SEMA5A: variants seen among roughly 807,000 people sequenced by gnomAD.
SEMA5A encodes semaphorin-5A.
A neutral mutation model predicts 135.5 loss-of-function variants in SEMA5A; 55 were observed. That is an observed-to-expected ratio of 0.41 (90% confidence interval 0.33 to 0.51). The LOEUF (loss-of-function observed/expected upper bound fraction) is 0.51, where lower values mean the gene tolerates loss of function less well. SEMA5A is among the 20% of genes least tolerant of loss of function. The probability of loss-of-function intolerance (pLI) is 0.37; values close to 1 mark genes in which losing one functional copy is unlikely to be tolerated. For missense variants in SEMA5A, 1,290 were observed against 1,419.9 expected (o/e 0.91, Z 1.47); for synonymous variants, 580 against 546.5 (o/e 1.06, Z -0.85).
chr5:9,045,257 T>G (rs1375585724), intron 21 of SEMA5A, among the ~76,000 whole-genome samples: 1 of 152,194 alleles, frequency 6.6e-6, no homozygotes, highest in African/African-American at 2.4e-5. Flanking sequence ...GCAGAAAAGT[T>G]TATTCATGCA....
At chr5:9,052,261 G>A (rs1460313658) in intron 19 of SEMA5A, among the ~76,000 whole-genome samples, 1 of 152,164 alleles carries the variant, frequency 6.6e-6, no homozygotes, top group Admixed American at 6.5e-5. Flanking sequence ...CAGATATCAT[G>A]AGCTTAAAAT....
chr5:9,271,177 C>T (rs954060674), intron 5 of SEMA5A, among the ~76,000 whole-genome samples: 12 of 152,068 alleles, frequency 7.9e-5, no homozygotes, highest in African/African-American at 2.4e-4. Flanking sequence ...GGCACTCCCC[C>T]GTTTACTTGC....
At chr5:9,400,500 C>CTTTTTTTTTTTTT (rs1176889691) in intron 2 of SEMA5A, among the ~76,000 whole-genome samples, 4 of 85,412 alleles carry the variant, frequency 4.7e-5, no homozygotes, top group African/African-American at 1.9e-4. Flanking sequence ...ACACAATGTA[C>CTTTTTTTTTTTTT]ATTTTTTTTT....
chr5:9,396,420 G>A (rs1180579515), intron 2 of SEMA5A, among the ~76,000 whole-genome samples: 1 of 152,036 alleles, frequency 6.6e-6, no homozygotes, highest in East Asian at 1.9e-4. Flanking sequence ...CTGGCATTTG[G>A]AGCCTTGTTT....
At chr5:9,101,767 C>T (rs1739646396) in intron 16 of SEMA5A, among the ~76,000 whole-genome samples, 1 of 151,932 alleles carries the variant, frequency 6.6e-6, no homozygotes, top group Admixed American at 6.6e-5. Flanking sequence ...TGCATTAGTA[C>T]CCTATTCAAT....
chr5:9,265,153 C>A (rs966368638), intron 5 of SEMA5A, among the ~76,000 whole-genome samples: 1 of 152,242 alleles, frequency 6.6e-6, no homozygotes, highest in Non-Finnish European at 1.5e-5. Flanking sequence ...TAGCCCCAAA[C>A]CACCGCGAGA....
chr5:9,360,151 C>T (rs1480248370), intron 3 of SEMA5A, among the ~76,000 whole-genome samples: 8 of 152,178 alleles, frequency 5.3e-5, no homozygotes, highest in Non-Finnish European at 1.0e-4. Context: ...GTATTAACCT[C>T]TGCAGTAGGT....
chr5:9,377,566 A>T (rs1395898368), intron 3 of SEMA5A, among the ~76,000 whole-genome samples: 1 of 152,178 alleles, frequency 6.6e-6, no homozygotes, highest in African/African-American at 2.4e-5. Context: ...GAAAAAAGTC[A>T]TTTTAAAGAT....
rs138602115 is a variant in SEMA5A at position 9,347,655 on chromosome 5, G to A, written c.125-9843C>T. ...AACCTGTGATTGTAGGAAAAAATGC[G>A]TGCACTGTTTCAGTGAGGGCAGGAG... On this transcript the variant is annotated intron_variant, in intron 3 of 22. Transcript: ENST00000382496. 1.0e-2 allele frequency among the ~76,000 whole-genome samples: 1,520 copies of A among 152,086 alleles called. 30 individuals carry two copies. The highest frequency in any genetic ancestry group is 0.035 in the African/African-American group (1,453 of 41,472).
chr5:9,480,724 A>C (rs1759844169), intron 1 of SEMA5A, among the ~76,000 whole-genome samples: 1 of 152,182 alleles, frequency 6.6e-6, no homozygotes, highest in Admixed American at 6.5e-5. Flanking sequence ...CTCACACAGA[A>C]CAGATCCATG....
At chr5:9,486,737 T>A (rs1027414691) in intron 1 of SEMA5A, among the ~76,000 whole-genome samples, 1 of 152,076 alleles carries the variant, frequency 6.6e-6, no homozygotes, top group Non-Finnish European at 1.5e-5. Flanking sequence ...AAACCTTACA[T>A]ATAAAGTGAT....
chr5:9,199,939 T>C lies in SEMA5A; in HGVS notation c.932+2016A>G, dbSNP rs139728005. Among the ~76,000 whole-genome samples the C allele has an allele frequency of 2.5e-3, 382 of 152,272 alleles. 1 individual carries two copies. The highest frequency in any genetic ancestry group is 8.9e-3 in the African/African-American group (369 of 41,546). On this transcript the variant is annotated intron_variant, in intron 9 of 22. Coordinates refer to ENST00000382496, the MANE Select transcript of SEMA5A (RefSeq NM_003966.3). Reference sequence around the variant, plus strand: ...GGTTATCTTTTCCCCATTCCCCTAGTGCTGAGAAACCTTGACGAATGTACA... The same window carrying C: ...GGTTATCTTTTCCCCATTCCCCTAGCGCTGAGAAACCTTGACGAATGTACA...
At chr5:9,151,390 C>A (rs142539962) in intron 12 of SEMA5A, among the ~76,000 whole-genome samples, 1 of 152,258 alleles carries the variant, frequency 6.6e-6, no homozygotes, top group East Asian at 1.9e-4. Flanking sequence ...TACTGAGATT[C>A]TATGATGGAA....
intron 1 of SEMA5A, among the ~76,000 whole-genome samples, chr5:9,473,842 T>C (rs1759571381): frequency 6.6e-6 from 1 of 152,070 alleles, no homozygotes; most frequent in Admixed American, 6.6e-5. Flanking sequence ...TGTGTTCTCA[T>C]GAGCTGGAGG....
rs371842531 is a variant in SEMA5A, at chr5:9,108,129, A to G, written c.2073+11T>C. 2.1e-5 allele frequency: 34 copies of G among 1,612,434 alleles called. No individual in the cohort carries two copies. The African/African-American group carries it at 4.4e-4, about 21-fold the overall frequency. On this transcript the variant is annotated intron_variant, in intron 16 of 22. Transcript: ENST00000382496. ...GGATTGTGGGCTGGGTGTGAGAAGA[A>G]GGCTACTCACCACATTGCAGCCTGC...
At chr5:9,447,835 G>C (rs1223510812) in intron 1 of SEMA5A, among the ~76,000 whole-genome samples, 1 of 152,174 alleles carries the variant, frequency 6.6e-6, no homozygotes, top group African/African-American at 2.4e-5. Flanking sequence ...AATGAGTCAT[G>C]TCATCCATTT....
intron 16 of SEMA5A, among the ~76,000 whole-genome samples, chr5:9,085,680 C>A (rs1738641296): frequency 6.6e-6 from 1 of 152,186 alleles, no homozygotes; most frequent in East Asian, 1.9e-4. Context: ...TCTGTTAGGG[C>A]AGTTCAGAAG....
At chr5:9,052,708 C>T (rs972733109) in intron 19 of SEMA5A, among the ~76,000 whole-genome samples, 1 of 151,898 alleles carries the variant, frequency 6.6e-6, no homozygotes, top group Non-Finnish European at 1.5e-5. Context: ...TGAAAGGATA[C>T]TTCATCCCGA....
chr5:9,461,687 C>T (rs368495893), intron 1 of SEMA5A, among the ~76,000 whole-genome samples: 41 of 152,154 alleles, frequency 2.7e-4, no homozygotes, highest in Middle Eastern at 6.8e-3. Context: ...CTGTAAGAAG[C>T]GGTGTAATTA....
Sources: allele counts gnomAD v4.1 joint callset (sites outside exome capture counted in the v4.1 genomes callset), GRCh38; gene constraint gnomAD v4.1.1; transcripts MANE v1.5; gene names NCBI Gene and HGNC (gene_info 2026-07-23, HGNC 2026-07-21).